The following RASAL3 variants were observed in gnomAD, a reference collection of about 807,000 sequenced individuals.
RASAL3 encodes RAS protein activator like 3.
Under a neutral mutation model 105.5 loss-of-function variants are expected in RASAL3, and 74 were observed. That is an observed-to-expected ratio of 0.70 (90% CI 0.58 to 0.85). The LOEUF (loss-of-function observed/expected upper bound fraction) is 0.85, where lower values mean the gene tolerates loss of function less well. Among genes scored for constraint, RASAL3 ranks in the 40% least tolerant of loss-of-function variants. The probability of loss-of-function intolerance (pLI) is 0.00; values close to 1 mark genes in which losing one functional copy is unlikely to be tolerated. For missense variants in RASAL3, 1,352 were observed against 1,392.0 expected (o/e 0.97, Z 0.46); for synonymous variants, 579 against 591.6 (o/e 0.98, Z 0.31).
Position 15,456,378 on chromosome 19 carries a change from G to T in RASAL3, c.1576+124C>A. The T allele has an allele frequency of 6.6e-7, 1 of 1,519,440 alleles. No individual in the cohort carries two copies. Among genetic ancestry groups the T allele is most frequent in the Non-Finnish European group, 8.9e-7 (1 of 1,123,628 alleles). The allele number at this position is 1,519,440 out of a possible 1,614,324, so 94.1% of individuals were successfully genotyped here. ...CTTGGGGAGCTCCCAATTGTCCCCA[G>T]GATCCTAGCACCCCCAAAACACCAC... On this transcript the variant is annotated intron_variant, in intron 10 of 17. Transcript: ENST00000343625. This position sits in a 1 kb window ranked among gnomAD's most constrained non-coding sequence, Gnocchi z 4.4.
At chr19:15,452,274 A>C in intron 16 of RASAL3, 166 bp from the exon 17 acceptor site, 3 of 677,378 alleles carry the variant, frequency 4.4e-6, no homozygotes, top group Non-Finnish European at 7.8e-6. Flanking sequence ...CGGACCAGAG[A>C]CGGGAATGGT....
rs199513045 is a variant in RASAL3 at position 15,454,713 on chromosome 19, T to G, written c.1902A>C (p.Pro634=). 6.2e-7 allele frequency: 1 copy of G among 1,611,488 alleles called. No homozygotes were observed. The highest frequency in any genetic ancestry group is 8.5e-7 in the Non-Finnish European group (1 of 1,178,830). ...TGGCAATCAGTGTGAGGGTGCGGGC[T>G]GGGCCGGGTGCTGGATGGTCTGGTG... ...GLAPDHPAPG[P]ARTLTLIAKV... is the part of the protein sequence containing the mutation. Residue 634 remains proline, a synonymous_variant, in exon 12 of 18, where the codon CCA becomes CCC. Transcript: ENST00000343625.
chr19:15,460,832 C>T (rs1269105987), intron 5 of RASAL3, among the ~76,000 whole-genome samples: 1 of 152,196 alleles, frequency 6.6e-6, no homozygotes, highest in Non-Finnish European at 1.5e-5. Context: ...GTAGCTTGGA[C>T]TATAGCTGCG....
At chr19:15,462,445 C>T (rs963035167) in intron 2 of RASAL3, among the ~76,000 whole-genome samples, 3 of 150,618 alleles carry the variant, frequency 2.0e-5, no homozygotes, top group African/African-American at 7.4e-5. Flanking sequence ...GAGATTCCGC[C>T]ACTGCACTCC....
chr19:15,453,114 A>G lies in RASAL3; in HGVS notation c.2663T>C (p.Val888Ala), dbSNP rs745721368. 6.2e-7 allele frequency: 1 copy of G among 1,613,414 alleles called. No individual in the cohort carries two copies. The highest frequency in any genetic ancestry group is 8.5e-7 in the Non-Finnish European group (1 of 1,179,654). ...ACCTGGGCCTGACCTTACCTTGTTC[A>G]CAGGTCGGTGCGTGCCCAGTGCCTG... Reference protein sequence around the residue: ...RNQALGTHRPVNKLAELQCEV... With the variant: ...RNQALGTHRPANKLAELQCEV... Residue 888 changes from valine to alanine, a missense_variant, in exon 15 of 18, where the codon GTG (valine) becomes GCG (alanine). By Grantham distance (64) the Val-to-Ala change is moderately conservative. This residue lies in a region of RASAL3 where 920 missense variants were observed against 919.6 expected (regional missense o/e 1.00). Transcript: ENST00000343625. This position sits in a 1 kb window ranked among gnomAD's most constrained non-coding sequence, Gnocchi z 4.2.
chr19:15,452,844 C>A, intron 15 of RASAL3, 29 bp from the exon 16 acceptor site: 1 of 1,506,596 alleles, frequency 6.6e-7, no homozygotes, highest in East Asian at 2.5e-5. Flanking sequence ...TGTAATCTGA[C>A]CCGTTGTCCC....
Position 15,452,804 on chromosome 19 carries a change from C to T in RASAL3, c.2682G>A (p.Leu894=), listed in dbSNP as rs1164300207. The change falls in exon 16 of 18, where the codon CTG becomes CTA. Residue 894 remains leucine (L), a synonymous_variant. Coordinates refer to ENST00000343625, the MANE Select transcript of RASAL3 (RefSeq NM_022904.3). The stretch of plus-strand genomic sequence containing the variant: ...CACGCAGAGCGGCCACCTCGCACTG[C>T]AGCTCTGCCAACTGTGGTGGGAGAG... ...THRPVNKLAE[L]QCEVAALREE... 4 of 1,554,964 alleles carry T rather than the reference C, an allele frequency of 2.6e-6. No homozygotes were observed. The highest frequency in any genetic ancestry group is 4.8e-5 in the East Asian group (2 of 41,654).
In RASAL3 at chr19:15,453,618, C is replaced by G; in HGVS notation, c.2280-121G>C. 1 of 1,006,178 alleles carries G rather than the reference C, an allele frequency of 9.9e-7. No homozygotes were observed. The highest frequency in any genetic ancestry group is 1.4e-6 in the Non-Finnish European group (1 of 731,212). The allele number at this position is 1,006,178 out of a possible 1,614,324, so 62.3% of individuals were successfully genotyped here. On this transcript the variant is annotated intron_variant, in intron 14 of 17. Transcript: ENST00000343625. The surrounding 1 kb of genome is among the most constrained non-coding windows in gnomAD (Gnocchi z 4.2). ...TGTCCTTTCTTTTTTTTTTTTGAGA[C>G]AAGGTCTTGCTCTGTCGCCCAGGCT...
chr19:15,455,252 C>T (rs115646155), intron 11 of RASAL3, among the ~76,000 whole-genome samples: 74 of 152,182 alleles, frequency 4.9e-4, no homozygotes, highest in African/African-American at 1.7e-3. Flanking sequence ...GGCCAGAGTA[C>T]AAGATATAAA....
chr19:15,452,841 T>G (rs1970201803), intron 15 of RASAL3, 26 bp from the exon 16 acceptor site: 1 of 1,512,852 alleles, frequency 6.6e-7, no homozygotes, highest in Non-Finnish European at 8.9e-7. Context: ...AGCTGTAATC[T>G]GACCCGTTGT....
At chr19:15,464,481 C>T (rs1311049262) in intron 1 of RASAL3, 24 bp downstream of exon 1, 1 of 967,096 alleles carries the variant, frequency 1.0e-6, no homozygotes, top group East Asian at 2.6e-5. Context: ...ATCCCCCTGC[C>T]CCCACCTCCA....
chr19:15,454,131 G>A lies in RASAL3; in HGVS notation c.2279+18C>T. The A allele has an allele frequency of 6.5e-7, 1 of 1,533,618 alleles. No individual in the cohort carries two copies. The highest frequency in any genetic ancestry group is 8.8e-7 in the Non-Finnish European group (1 of 1,131,776). On this transcript the variant is annotated intron_variant, in intron 14 of 17. Transcript: ENST00000343625. ...TCCTGTTCCCACCCATCAGACCCCA[G>A]ACCAGACTTGAGGTTACCTGGAGTG...
At chr19:15,458,791 C>CG (rs34234014) in intron 6 of RASAL3, 136 bp from the exon 7 acceptor site, 11 of 1,177,650 alleles carry the variant, frequency 9.3e-6, no homozygotes, top group South Asian at 7.8e-5. Flanking sequence ...CCCCACCCCC[C>CG]GCCATGGCAC....
chr19:15,452,918 T>A (rs1970204262), intron 15 of RASAL3, 103 bp from the exon 16 acceptor site: 2 of 1,463,182 alleles, frequency 1.4e-6, no homozygotes, highest in Non-Finnish European at 1.8e-6. Flanking sequence ...ATCACCGGCC[T>A]GCCTAGTTGG....
chr19:15,457,695 C>T lies in RASAL3; in HGVS notation c.1028G>A (p.Arg343Gln), dbSNP rs1196431457. The T allele has an allele frequency of 1.2e-5, 17 of 1,462,316 alleles. No individual in the cohort carries two copies. In the Admixed American group the frequency reaches 1.6e-4, roughly 14 times the overall value. 90.6% of individuals were successfully genotyped at this position (1,462,316 alleles called of 1,614,324 possible). The change falls in exon 9 of 18, where the codon CGG (arginine) becomes CAG (glutamine). Residue 343 changes from arginine to glutamine, a missense_variant. Arg to Gln is a conservative substitution (Grantham distance 43). This residue lies in a region of RASAL3 where 88 missense variants were observed against 132.7 expected (regional missense o/e 0.66). Transcript: ENST00000343625. This position sits in a 1 kb window ranked among gnomAD's most constrained non-coding sequence, Gnocchi z 8.6. ...CCAGAAGAGCTGGCCTGGGCCGGCC[C>T]GAGGCGCCGTGCGTGCCAGCAGCGC... is the stretch of plus-strand genomic sequence containing the variant. ...DGALLARTAP[R>Q]AGPGQLFWAE...
rs936764156 is a variant in RASAL3 at position 15,456,855 on chromosome 19, C to G, written c.1432-209G>C. On this transcript the variant is annotated intron_variant, in intron 9 of 17. Coordinates refer to ENST00000343625, the MANE Select transcript of RASAL3 (RefSeq NM_022904.3). The surrounding 1 kb of genome is among the most constrained non-coding windows in gnomAD (Gnocchi z 4.4). Reference sequence around the variant, plus strand: ...AAGCCTTTCAGCGCTGAGGTGCAACCTGGGCCCCGCCCCTCACGCGTGATG... The same window carrying G: ...AAGCCTTTCAGCGCTGAGGTGCAACGTGGGCCCCGCCCCTCACGCGTGATG... The G allele has an allele frequency of 3.0e-5, 19 of 628,492 alleles. No individual in the cohort carries two copies. Among genetic ancestry groups the G allele is most frequent in the Admixed American group, 1.2e-4 (4 of 33,956 alleles). The allele number at this position is 628,492 out of a possible 1,614,324, so 38.9% of individuals were successfully genotyped here.
Position 15,464,172 on chromosome 19 carries a change from G to C in RASAL3, c.187C>G (p.Pro63Ala), listed in dbSNP as rs1358010912. The C allele has an allele frequency of 3.7e-6, 6 of 1,612,938 alleles. No individual in the cohort carries two copies. Among genetic ancestry groups the C allele is most frequent in the African/African-American group, 1.3e-5 (1 of 74,868 alleles). The change falls in exon 2 of 18, where the codon CCT (proline) becomes GCT (alanine). Residue 63 changes from proline (P) to alanine (A), a missense_variant. Around this residue, in one of 3 missense-constraint regions of RASAL3, gnomAD observed 344 missense variants for 339.6 expected, o/e 1.01. Coordinates refer to ENST00000343625, the MANE Select transcript of RASAL3 (RefSeq NM_022904.3). ...AGGACCCGACGGAATATCGAGCGAG[G>C]GGCTGGCTGGGTGCTGACCATGGGC... ...QEPMVSTQPA[P>A]RSIFRRVLSA...
rs563100614 is a variant in RASAL3 at position 15,459,968 on chromosome 19, C to G, written c.662+235G>C. Among the ~76,000 whole-genome samples, 3 of 152,292 alleles carry G rather than the reference C, an allele frequency of 2.0e-5. No individual in the cohort carries two copies. In the South Asian group the frequency reaches 6.2e-4, roughly 32 times the overall value. On this transcript the variant is annotated intron_variant, in intron 6 of 17. Transcript: ENST00000343625. ...AGATCTCAGCTCAAGGGTACCTTCC[C>G]TAACCCTCCCAGACCAGTTGATTGA...
At chr19:15,452,940 C>A (rs1970204927) in intron 15 of RASAL3, 125 bp from the exon 16 acceptor site, 1 of 1,456,616 alleles carries the variant, frequency 6.9e-7, no homozygotes, top group Admixed American at 2.2e-5. Flanking sequence ...GAACATCCCT[C>A]CTGCGGTACA....
Sources: gnomAD v4.1 joint callset for allele counts (sites outside exome capture counted in the v4.1 genomes callset) on GRCh38, gnomAD v4.1.1 for gene constraint, gnomAD v4.1.1 regional missense constraint, Gnocchi (gnomAD v3.1) non-coding constraint, MANE v1.5 for transcripts, NCBI Gene and HGNC (gene_info 2026-07-23, HGNC 2026-07-21) for gene names.